Variants in TSPAN5 observed in about 807,000 individuals in gnomAD.
TSPAN5 encodes tetraspanin-5.
A neutral mutation model predicts 37.1 loss-of-function variants in TSPAN5; 10 were observed. The observed-to-expected ratio is 0.27, with a 90% CI of 0.17 to 0.46. TSPAN5 has a LOEUF of 0.46. TSPAN5 is among the 20% of genes least tolerant of loss of function. The pLI is 1.00. For synonymous variants in TSPAN5, 110 were observed against 118.9 expected (o/e 0.93, Z 0.48); for missense variants, 195 against 326.6 (o/e 0.60, Z 3.11).
chr4:98,607,375 T>C (rs1756062006), intron 1 of TSPAN5, among the ~76,000 whole-genome samples: 1 of 152,166 alleles, frequency 6.6e-6, no homozygotes, highest in South Asian at 2.1e-4. Flanking sequence ...GAATGCGACA[T>C]GTGATAAAGT....
intron 1 of TSPAN5, among the ~76,000 whole-genome samples, chr4:98,549,335 C>T (rs1282567328): frequency 6.7e-6 from 1 of 149,728 alleles, no homozygotes; most frequent in African/African-American, 2.5e-5. Context: ...CAGAGTCTCA[C>T]TCTGTCACCC....
rs115243714 is a variant in TSPAN5, at chr4:98,599,517, C to T, written c.81+58629G>A. On this transcript the variant is annotated intron_variant, in intron 1 of 7. Transcript: ENST00000305798. ...TTAAGTGTGTTTTGACAAATGCATC[C>T]AACCATGTAACCATCCCCACAATCA... is the stretch of plus-strand genomic sequence containing the variant. Among the ~76,000 whole-genome samples, 588 of 152,196 alleles carry T rather than the reference C, an allele frequency of 3.9e-3. 2 individuals are homozygous for T. The highest frequency in any genetic ancestry group is 7.6e-3 in the Admixed American group (116 of 15,286).
chr4:98,651,779 T>C (rs1757190418), intron 1 of TSPAN5, among the ~76,000 whole-genome samples: 1 of 151,762 alleles, frequency 6.6e-6, no homozygotes, highest in East Asian at 1.9e-4. Context: ...CACGATACAA[T>C]GGAGAATGCT....
chr4:98,546,423 T>C (rs954846487), intron 1 of TSPAN5, among the ~76,000 whole-genome samples: 2 of 152,330 alleles, frequency 1.3e-5, no homozygotes, highest in South Asian at 2.1e-4. Context: ...GTGCAAACCA[T>C]TGGTGAGCCA....
At chr4:98,630,400 T>C (rs1756715618) in intron 1 of TSPAN5, among the ~76,000 whole-genome samples, 1 of 151,762 alleles carries the variant, frequency 6.6e-6, no homozygotes, top group Non-Finnish European at 1.5e-5. Flanking sequence ...ATCTTTAGAC[T>C]TATACACCAC....
intron 1 of TSPAN5, among the ~76,000 whole-genome samples, chr4:98,589,026 G>C (rs1408682984): frequency 6.6e-6 from 1 of 152,086 alleles, no homozygotes; most frequent in Non-Finnish European, 1.5e-5. Context: ...GCCTGGAAAG[G>C]GACACACAGC....
chr4:98,481,613 GA>G (rs767456920), intron 4 of TSPAN5, among the ~76,000 whole-genome samples: 40 of 152,128 alleles, frequency 2.6e-4, no homozygotes, highest in Middle Eastern at 3.2e-3. Flanking sequence ...TATGAGCTGT[GA>G]AATATCAAGG....
At chr4:98,607,024 G>C (rs528825196) in intron 1 of TSPAN5, among the ~76,000 whole-genome samples, 9 of 152,246 alleles carry the variant, frequency 5.9e-5, no homozygotes, top group African/African-American at 1.7e-4. Flanking sequence ...TGAGGCAGTT[G>C]GGGGAAGGGA....
chr4:98,507,569 G>T, intron 2 of TSPAN5, 109 bp downstream of exon 2: 1 of 711,198 alleles, frequency 1.4e-6, no homozygotes. Flanking sequence ...TCTTGTTAAA[G>T]AGCCATGTTT....
In TSPAN5 at chr4:98,516,928, G is replaced by A. The variant is rs199877395; in HGVS notation, c.82-9200C>T. On this transcript the variant is annotated intron_variant, in intron 1 of 7. Transcript: ENST00000305798. ...TGATGCAGCATGGAAGCCCTTGCCAGAAACCAGGGCCATGCCCTTGAACTT... is the reference window on the plus strand; with the variant it reads ...TGATGCAGCATGGAAGCCCTTGCCAAAAACCAGGGCCATGCCCTTGAACTT... Among the ~76,000 whole-genome samples, 206 of 152,304 alleles carry A rather than the reference G, an allele frequency of 1.4e-3. 1 individual carries two copies. The East Asian group carries it at 0.032, about 24-fold the overall frequency.
chr4:98,633,802 G>A (rs9991427), intron 1 of TSPAN5, among the ~76,000 whole-genome samples: 32,802 of 152,068 alleles, frequency 0.22, 3,830 homozygotes, highest in African/African-American at 0.29. Context: ...AATCACGGCC[G>A]GGCACGATGG....
intron 1 of TSPAN5, among the ~76,000 whole-genome samples, chr4:98,616,012 C>T (rs1049827912): frequency 2.0e-5 from 3 of 152,136 alleles, no homozygotes; most frequent in Non-Finnish European, 4.4e-5. Context: ...GTGCACACAC[C>T]ACCCCGGAGA....
intron 1 of TSPAN5, among the ~76,000 whole-genome samples, chr4:98,539,257 ATC>A (rs1754305567): frequency 6.6e-6 from 1 of 152,126 alleles, no homozygotes; most frequent in Non-Finnish European, 1.5e-5. Context: ...TCATTTACAA[ATC>A]TCTGTTTCTT....
intron 1 of TSPAN5, among the ~76,000 whole-genome samples, chr4:98,569,520 T>TG (rs2110179802): frequency 6.6e-6 from 1 of 152,246 alleles, no homozygotes; most frequent in South Asian, 2.1e-4. Context: ...GAGTGCAGGA[T>TG]GGCTGGGGGT....
At chr4:98,476,491 T>G (rs1487982575) in intron 5 of TSPAN5, 31 bp from the exon 6 acceptor site, 1 of 1,612,292 alleles carries the variant, frequency 6.2e-7, no homozygotes, top group Middle Eastern at 1.7e-4. Context: ...AAAAGTGAAA[T>G]TTACTCATTA....
chr4:98,602,844 TC>T (rs980934475), intron 1 of TSPAN5, among the ~76,000 whole-genome samples: 3 of 152,124 alleles, frequency 2.0e-5, no homozygotes, highest in Non-Finnish European at 4.4e-5. Context: ...CTGCTCTTCT[TC>T]CAAACAGGCT....
chr4:98,652,327 A>G (rs990919765), intron 1 of TSPAN5, among the ~76,000 whole-genome samples: 4 of 152,226 alleles, frequency 2.6e-5, no homozygotes, highest in African/African-American at 9.6e-5. Flanking sequence ...AGAAACAAAC[A>G]TGTGATTCAA....
At chr4:98,506,813 T>C (rs1399805174) in intron 2 of TSPAN5, among the ~76,000 whole-genome samples, 1 of 151,976 alleles carries the variant, frequency 6.6e-6, no homozygotes, top group East Asian at 1.9e-4. Flanking sequence ...CTTTTGTGTA[T>C]AGCCAGATAC....
At chr4:98,602,988 A>C (rs1351451635) in intron 1 of TSPAN5, among the ~76,000 whole-genome samples, 1 of 152,214 alleles carries the variant, frequency 6.6e-6, no homozygotes, top group Non-Finnish European at 1.5e-5. Flanking sequence ...TTACTTTACC[A>C]CTGTAGTGTG....
Sources: allele counts gnomAD v4.1 joint callset (sites outside exome capture counted in the v4.1 genomes callset), GRCh38; gene constraint gnomAD v4.1.1; transcripts MANE v1.5; gene names NCBI Gene and HGNC (gene_info 2026-07-23, HGNC 2026-07-21).